Variants in MYT1L observed in about 807,000 individuals in gnomAD.
The protein encoded by MYT1L is myelin transcription factor 1-like protein.
In MYT1L, 12 loss-of-function variants were observed where a neutral mutation model predicts 126.7. The observed-to-expected ratio is 0.09, with a 90% CI of 0.06 to 0.15. The LOEUF (loss-of-function observed/expected upper bound fraction) is 0.15, where lower values mean the gene tolerates loss of function less well. Among genes scored for constraint, MYT1L ranks in the 10% least tolerant of loss-of-function variants. MYT1L has a pLI of 1.00. For missense variants in MYT1L, 979 were observed against 1,585.2 expected (o/e 0.62, Z 6.49); for synonymous variants, 541 against 604.2 (o/e 0.90, Z 1.53).
chr2:2,322,570 C>T (rs1042234092), intron 1 of MYT1L, among the ~76,000 whole-genome samples: 18 of 150,422 alleles, frequency 1.2e-4, no homozygotes, highest in African/African-American at 4.4e-4. Context: ...GAAGTGGAGA[C>T]TAATATGACA....
chr2:2,005,151 C>A (rs549916354), intron 4 of MYT1L, among the ~76,000 whole-genome samples: 1 of 149,530 alleles, frequency 6.7e-6, no homozygotes, highest in South Asian at 2.1e-4. Flanking sequence ...TTCCTGCAGG[C>A]ATTATTTCCT....
intron 3 of MYT1L, among the ~76,000 whole-genome samples, chr2:2,090,523 G>A (rs1159677877): frequency 5.9e-5 from 9 of 152,214 alleles, no homozygotes; most frequent in Admixed American, 5.9e-4. Context: ...GGAGGGTTTT[G>A]CCTCAATGTC....
Position 2,208,363 on chromosome 2 carries a change from C to T in MYT1L, c.-420-35375G>A, listed in dbSNP as rs140807450. Among the ~76,000 whole-genome samples the T allele has an allele frequency of 1.7e-4, 26 of 152,276 alleles. No individual in the cohort carries two copies. In the East Asian group the frequency reaches 4.8e-3, roughly 28 times the overall value. ...CTGGTTTGTAGACCTGTTGCAACCA[C>T]TACATGACATAACGCAGGCAGAGCA... On this transcript the variant is annotated intron_variant, in intron 2 of 24. Transcript: ENST00000647738.
chr2:2,069,408 T>A, intron 3 of MYT1L, among the ~76,000 whole-genome samples: 1 of 152,194 alleles, frequency 6.6e-6, no homozygotes, highest in East Asian at 1.9e-4. Context: ...GAACTCATCC[T>A]TTTTTATGGC....
chr2:2,226,308 T>G (rs901203577), intron 2 of MYT1L, among the ~76,000 whole-genome samples: 1 of 152,034 alleles, frequency 6.6e-6, no homozygotes, highest in Non-Finnish European at 1.5e-5. Flanking sequence ...AACATCATAA[T>G]TGAGGAGGAA....
chr2:1,934,001 G>A (rs2055388971), intron 9 of MYT1L, among the ~76,000 whole-genome samples: 1 of 137,470 alleles, frequency 7.3e-6, no homozygotes, highest in African/African-American at 2.7e-5. Context: ...TTGAGATGGA[G>A]TCTTGCTCTG....
intron 19 of MYT1L, among the ~76,000 whole-genome samples, chr2:1,846,868 G>A (rs1003356066): frequency 2.6e-5 from 4 of 152,208 alleles, no homozygotes; most frequent in Admixed American, 1.3e-4. Flanking sequence ...CTGGTGAGGA[G>A]CCACCTCTCC....
At chr2:2,149,057 T>A (rs549327025) in intron 3 of MYT1L, among the ~76,000 whole-genome samples, 181 of 152,264 alleles carry the variant, frequency 1.2e-3, no homozygotes, top group African/African-American at 4.1e-3. Context: ...AATATTGCTC[T>A]TAGTTTGCTC....
intron 2 of MYT1L, among the ~76,000 whole-genome samples, chr2:2,188,014 G>T (rs2092333335): frequency 6.6e-6 from 1 of 152,002 alleles, no homozygotes; most frequent in African/African-American, 2.4e-5. Context: ...CAAATGTTCA[G>T]TGCAAAATAT....
At position 2,271,103 on chromosome 2, in the gene MYT1L, G is replaced by A. The variant is rs550960713; in HGVS notation, c.-421+13301C>T. Among the ~76,000 whole-genome samples, 79 of 152,278 alleles carry A rather than the reference G, an allele frequency of 5.2e-4. 1 individual carries two copies. Among genetic ancestry groups the A allele is most frequent in the African/African-American group, 1.8e-3 (74 of 41,558 alleles). On this transcript the variant is annotated intron_variant, in intron 2 of 24. Coordinates refer to ENST00000647738, the MANE Select transcript of MYT1L (RefSeq NM_001303052.2). ...TTTACGGATTCTCACCATGAATCACGTCTGCAGTGAAGGGTTCTGACATCT... is the reference window on the plus strand; with the variant it reads ...TTTACGGATTCTCACCATGAATCACATCTGCAGTGAAGGGTTCTGACATCT...
At chr2:2,037,196 G>A (rs2066952262) in intron 4 of MYT1L, among the ~76,000 whole-genome samples, 1 of 152,168 alleles carries the variant, frequency 6.6e-6, no homozygotes, top group South Asian at 2.1e-4. Context: ...CTGCCTGCAC[G>A]ATATTCTTAT....
chr2:2,306,094 C>A (rs1234815042), intron 1 of MYT1L: 2 of 152,170 alleles, frequency 1.3e-5, no homozygotes, highest in Non-Finnish European at 2.9e-5. Context: ...TTGCCATGAA[C>A]CCGAGTGTGA....
intron 1 of MYT1L, among the ~76,000 whole-genome samples, chr2:2,303,277 C>A (rs983119922): frequency 6.6e-6 from 1 of 152,186 alleles, no homozygotes; most frequent in Non-Finnish European, 1.5e-5. Context: ...CCACGGCATG[C>A]TCGGCTTGGC....
At chr2:1,846,477 G>A (rs1209770176) in intron 19 of MYT1L, among the ~76,000 whole-genome samples, 1 of 152,194 alleles carries the variant, frequency 6.6e-6, no homozygotes, top group Non-Finnish European at 1.5e-5. Flanking sequence ...GTAAGGGAGA[G>A]CTCTGTGTTC....
intron 21 of MYT1L, among the ~76,000 whole-genome samples, chr2:1,819,035 G>C (rs377663973): frequency 1.4e-4 from 21 of 152,096 alleles, no homozygotes; most frequent in African/African-American, 4.8e-4. Flanking sequence ...TCCCACTGGG[G>C]TGCATGTCCA....
intron 14 of MYT1L, among the ~76,000 whole-genome samples, chr2:1,902,336 C>T (rs950707990): frequency 6.6e-6 from 1 of 152,206 alleles, no homozygotes; most frequent in African/African-American, 2.4e-5. Flanking sequence ...TTTGTTGGTG[C>T]CACAGCTGCC....
At chr2:2,275,954 C>A (rs1436895087) in intron 2 of MYT1L, among the ~76,000 whole-genome samples, 2 of 152,130 alleles carry the variant, frequency 1.3e-5, no homozygotes, top group Admixed American at 6.6e-5. Flanking sequence ...CGACCTCCAC[C>A]TTGCCCCAGC....
At chr2:2,042,118 T>G (rs1318474229) in intron 4 of MYT1L, among the ~76,000 whole-genome samples, 1 of 152,160 alleles carries the variant, frequency 6.6e-6, no homozygotes, top group African/African-American at 2.4e-5. Flanking sequence ...GCTGGGCAGC[T>G]CAAAGGCAGC....
chr2:1,922,968 T>C lies in MYT1L; in HGVS notation c.801A>G (p.Leu267=), dbSNP rs754561454. 4.3e-6 allele frequency: 7 copies of C among 1,614,070 alleles called. 1 individual carries two copies. The highest frequency in any genetic ancestry group is 3.3e-5 in the South Asian group (3 of 91,090). The change falls in exon 10 of 25, where the codon CTA becomes CTG. Residue 267 remains leucine, a synonymous_variant. Coordinates refer to ENST00000647738, the MANE Select transcript of MYT1L (RefSeq NM_001303052.2). This position sits in a 1 kb window ranked among gnomAD's most constrained non-coding sequence, Gnocchi z 7.4. ...GCACAACACCGTGTCCTTGGGCTAA[T>C]AGTTTAAGGGAGTCCACTGTTTCTC... The part of the protein sequence containing the change: ...VVRETVDSLK[L]LAQGHGVVLS...
Sources: allele counts gnomAD v4.1 joint callset (sites outside exome capture counted in the v4.1 genomes callset), GRCh38; gene constraint gnomAD v4.1.1; non-coding constraint Gnocchi (gnomAD v3.1); transcripts MANE v1.5; gene names NCBI Gene and HGNC (gene_info 2026-07-23, HGNC 2026-07-21).